TBC1D8: variants seen among roughly 807,000 people sequenced by gnomAD.
The protein encoded by TBC1D8 is BUB2-like protein 1.
A neutral mutation model predicts 118.8 loss-of-function variants in TBC1D8; 65 were observed. That is an observed-to-expected ratio of 0.55 (90% CI 0.45 to 0.67). The LOEUF (loss-of-function observed/expected upper bound fraction) is 0.67, where lower values mean the gene tolerates loss of function less well. Among genes scored for constraint, TBC1D8 ranks in the 30% least tolerant of loss-of-function variants. The pLI, the probability that TBC1D8 is intolerant of heterozygous loss-of-function variation, is 0.00. For missense variants in TBC1D8, 1,376 were observed against 1,471.2 expected (o/e 0.94, Z 1.06); for synonymous variants, 566 against 595.8 (o/e 0.95, Z 0.73).
intron 17 of TBC1D8, chr2:101,019,302 T>G (rs1242929521): frequency 5.7e-6 from 2 of 352,072 alleles, no homozygotes; most frequent in African/African-American, 4.1e-5. Context: ...GTAATCTCAT[T>G]ATACTTCCTG....
chr2:101,028,444 G>A lies in TBC1D8; in HGVS notation c.2223-12C>T, dbSNP rs763681108. On this transcript the variant is annotated splice_polypyrimidine_tract_variant and intron_variant, in intron 12 of 19. Transcript: ENST00000409318. ...TGTGATCTAGAAACCTGAACACACC[G>A]CCCCGTCAACGCCCAAGTCCATCCT... 40 of 1,542,678 alleles carry A rather than the reference G, an allele frequency of 2.6e-5. No homozygotes were observed. Among genetic ancestry groups the A allele is most frequent in the Middle Eastern group, 1.7e-4 (1 of 5,726 alleles).
chr2:101,095,327 T>A (rs1257562223), intron 1 of TBC1D8, among the ~76,000 whole-genome samples: 1 of 150,012 alleles, frequency 6.7e-6, no homozygotes, highest in African/African-American at 2.4e-5. Flanking sequence ...TGTATACATG[T>A]GCCATGTTGG....
chr2:101,134,654 A>G lies in TBC1D8; in HGVS notation c.127+16473T>C, dbSNP rs2104264603. ...CTGTCCCTCTTCTTATAAAGGGAAC[A>G]GCCCTATAGGATCAGGGCCCTGCCC... On this transcript the variant is annotated intron_variant, in intron 1 of 19. Transcript: ENST00000409318. 2.0e-5 allele frequency among the ~76,000 whole-genome samples: 3 copies of G among 152,328 alleles called. No individual in the cohort carries two copies. In the Middle Eastern group the frequency reaches 0.01, roughly 518 times the overall value.
Position 101,027,462 on chromosome 2 carries a change from G to C in TBC1D8, c.2452-11C>G. On this transcript the variant is annotated splice_polypyrimidine_tract_variant and intron_variant, in intron 14 of 19. Transcript: ENST00000409318. ...GATAACGACTCGAAGCTTGAGGAAA[G>C]AATAAACAGCAATGGCGTGAAATCT... is the stretch of plus-strand genomic sequence containing the variant. 2 of 1,612,468 alleles carry C rather than the reference G, an allele frequency of 1.2e-6. No individual in the cohort carries two copies. The highest frequency in any genetic ancestry group is 1.7e-6 in the Non-Finnish European group (2 of 1,178,846).
intron 15 of TBC1D8, among the ~76,000 whole-genome samples, chr2:101,025,043 T>C (rs138538824): frequency 3.6e-4 from 55 of 152,322 alleles, no homozygotes; most frequent in Non-Finnish European, 6.3e-4. Flanking sequence ...GCAGGTATTA[T>C]ATATACCATA....
Position 101,050,565 on chromosome 2 carries a change from T to A in TBC1D8, c.708A>T (p.Arg236=). 6.2e-7 allele frequency: 1 copy of A among 1,614,004 alleles called. No individual in the cohort carries two copies. Among genetic ancestry groups the A allele is most frequent in the Non-Finnish European group, 8.5e-7 (1 of 1,179,900 alleles). The change falls in exon 5 of 20, where the codon CGA becomes CGT. Residue 236 remains arginine (R), a synonymous_variant. Transcript: ENST00000409318. ...CACGCTCCTTATTCTGCGTGGTGAT[T>A]CGGATGGTATCCGTCAGAAAGACAT... ...TSNVFLTDTI[R]ITTQNKERDF... is the part of the protein sequence containing the mutation.
intron 17 of TBC1D8, among the ~76,000 whole-genome samples, chr2:101,017,006 C>CA (rs1440236192): frequency 6.6e-6 from 1 of 151,374 alleles, no homozygotes; most frequent in East Asian, 1.9e-4. Context: ...AGCACACCAG[C>CA]ATGGCACATG....
chr2:101,044,983 G>A (rs1411022568), intron 5 of TBC1D8, among the ~76,000 whole-genome samples: 2 of 152,036 alleles, frequency 1.3e-5, no homozygotes, highest in Admixed American at 6.5e-5. Flanking sequence ...TCCTGACCTC[G>A]TGATCTGCCC....
intron 1 of TBC1D8, among the ~76,000 whole-genome samples, chr2:101,149,939 A>G (rs1573126173): frequency 6.6e-6 from 1 of 152,076 alleles, no homozygotes; most frequent in South Asian, 2.1e-4. Context: ...CCAGAATCCT[A>G]ACTACACTCT....
chr2:101,022,747 C>T (rs1483387144), intron 15 of TBC1D8, among the ~76,000 whole-genome samples: 3 of 152,112 alleles, frequency 2.0e-5, no homozygotes, highest in Admixed American at 6.5e-5. Flanking sequence ...ATATACATAA[C>T]GTAAAATGTA....
intron 19 of TBC1D8, among the ~76,000 whole-genome samples, chr2:101,008,603 T>C (rs972788632): frequency 2.7e-5 from 4 of 150,818 alleles, no homozygotes; most frequent in Admixed American, 2.6e-4. Flanking sequence ...TCACCTGAGG[T>C]TGGGAGTCAG....
chr2:101,007,717 T>C lies in TBC1D8; in HGVS notation c.*104A>G, dbSNP rs565823881. Reference sequence around the variant, plus strand: ...TCAGGTTGTTTAGCCAGATGCCCCATTGGTAAGGTAGACTGAAATCTCGGT... The same window carrying C: ...TCAGGTTGTTTAGCCAGATGCCCCACTGGTAAGGTAGACTGAAATCTCGGT... On this transcript the variant is annotated 3_prime_UTR_variant, in exon 20 of 20. Transcript: ENST00000409318. The C allele has an allele frequency of 7.5e-6, 9 of 1,193,388 alleles. No individual in the cohort carries two copies. The highest frequency in any genetic ancestry group is 6.4e-5 in the Admixed American group (3 of 46,764). 73.9% of individuals were successfully genotyped at this position (1,193,388 alleles called of 1,614,324 possible). A position where few individuals can be genotyped will look rare whatever the true frequency, so the allele number is the denominator to read the frequency against.
rs1333664653 is a variant in TBC1D8, at chr2:101,027,395, G to A, written c.2508C>T (p.Tyr836=). ...SILPEDLEEL[Y]DLFKREHMMS... is the part of the protein sequence containing the mutation. ...CAGAGCTGCGTACCTTGAATAAGTC[G>A]TAGAGCTCCTCTAGGTCTTCAGGAA... The change falls in exon 15 of 20, where the codon TAC becomes TAT. Residue 836 remains tyrosine (Y), a synonymous_variant. Transcript: ENST00000409318. The A allele has an allele frequency of 6.8e-6, 11 of 1,613,008 alleles. No homozygotes were observed. The highest frequency in any genetic ancestry group is 3.3e-4 in the Middle Eastern group (2 of 6,050).
chr2:101,070,967 T>C (rs1683278065), intron 2 of TBC1D8, among the ~76,000 whole-genome samples: 1 of 152,194 alleles, frequency 6.6e-6, no homozygotes, highest in Non-Finnish European at 1.5e-5. Flanking sequence ...CTCTAATAGA[T>C]ACATTGCTAA....
chr2:101,067,808 G>A (rs1017921272), intron 2 of TBC1D8, among the ~76,000 whole-genome samples: 3 of 152,322 alleles, frequency 2.0e-5, no homozygotes, highest in Non-Finnish European at 2.9e-5. Flanking sequence ...CGAAGATGCT[G>A]TTGGTAGCAT....
chr2:101,026,675 C>T (rs909576272), intron 15 of TBC1D8, among the ~76,000 whole-genome samples: 2 of 152,170 alleles, frequency 1.3e-5, no homozygotes, highest in Non-Finnish European at 2.9e-5. Flanking sequence ...GCTTCCTCCC[C>T]GTCTCTGCCA....
intron 1 of TBC1D8, among the ~76,000 whole-genome samples, chr2:101,097,453 G>C (rs1202064393): frequency 1.3e-5 from 2 of 151,960 alleles, no homozygotes; most frequent in Non-Finnish European, 2.9e-5. Flanking sequence ...GTCTAAAGTA[G>C]TAATAGTAAG....
intron 1 of TBC1D8, among the ~76,000 whole-genome samples, chr2:101,117,843 G>A (rs896737000): frequency 4.0e-5 from 6 of 150,602 alleles, no homozygotes; most frequent in Non-Finnish European, 7.4e-5. Flanking sequence ...CCAAAGTGCT[G>A]GGATTACAGG....
chr2:101,106,958 G>A (rs1677262478), intron 1 of TBC1D8, among the ~76,000 whole-genome samples: 1 of 152,222 alleles, frequency 6.6e-6, no homozygotes, highest in South Asian at 2.1e-4. Flanking sequence ...GGTGGGTGAG[G>A]CTAAGCTATA....
Sources: allele counts gnomAD v4.1 joint callset (sites outside exome capture counted in the v4.1 genomes callset), GRCh38; gene constraint gnomAD v4.1.1; transcripts MANE v1.5; gene names NCBI Gene and HGNC (gene_info 2026-07-23, HGNC 2026-07-21).